IL13RA1: variants seen among roughly 807,000 people sequenced by gnomAD.
The protein encoded by IL13RA1 is interleukin 13 receptor subunit alpha 1.
A neutral mutation model predicts 33.8 loss-of-function variants in IL13RA1; 14 were observed. The observed-to-expected ratio is 0.41, with a 90% confidence interval of 0.27 to 0.65. IL13RA1 has a LOEUF of 0.65. Ranked by LOEUF, IL13RA1 falls within the 30% of genes least tolerant of loss-of-function variation. IL13RA1 has a pLI of 0.28. For missense variants in IL13RA1, 313 were observed against 327.0 expected (o/e 0.96, Z 0.33); for synonymous variants, 116 against 115.7 (o/e 1.00, Z -0.02).
chrX:118,799,074 C>T (rs113339504), downstream of IL13RA1, among the ~76,000 whole-genome samples: 18 of 113,091 alleles, frequency 1.6e-4, no homozygotes, highest in African/African-American at 4.8e-4. Flanking sequence ...CTGCTGGCCC[C>T]GGGCAATGGG....
chrX:118,784,863 G>A (rs59888290), intron 10 of IL13RA1, among the ~76,000 whole-genome samples: 6,708 of 111,433 alleles, frequency 0.06, 520 homozygotes, highest in African/African-American at 0.2. Context: ...AGAGTCAGCA[G>A]ACAATATAAT....
At chrX:118,777,661 T>C (rs2017800944) in intron 10 of IL13RA1, among the ~76,000 whole-genome samples, 1 of 111,516 alleles carries the variant, frequency 9.0e-6, no homozygotes, top group South Asian at 3.7e-4. Context: ...TCCAAAGATA[T>C]AGAAATGGAG....
chrX:118,770,675 G>T, intron 8 of IL13RA1: 1 of 386,766 alleles, frequency 2.6e-6, no homozygotes, highest in Non-Finnish European at 4.9e-6. Flanking sequence ...TACCTGGTGC[G>T]TGCATTTGGC....
chrX:118,771,488 G>T, intron 8 of IL13RA1, among the ~76,000 whole-genome samples: 1 of 112,337 alleles, frequency 8.9e-6, no homozygotes, highest in East Asian at 2.8e-4. Context: ...CTCCTCTGGA[G>T]ATTCCTGTAT....
intron 8 of IL13RA1, chrX:118,770,266 T>C (rs2248846): frequency 0.2 from 66,655 of 330,876 alleles, 5,399 homozygotes; most frequent in East Asian, 0.45. Context: ...CACCCTGCAA[T>C]GTCATCACCA....
chrX:118,752,153 A>G (rs1432553641), intron 4 of IL13RA1, among the ~76,000 whole-genome samples: 1 of 110,483 alleles, frequency 9.1e-6, no homozygotes, highest in African/African-American at 3.3e-5. Flanking sequence ...CCTTTACTTA[A>G]AACCCTTCAG....
rs772101731 is a variant in IL13RA1, at chrX:118,728,528, T to A, written c.88+802T>A. On this transcript the variant is annotated intron_variant, in intron 1 of 10. Coordinates refer to ENST00000371666, the MANE Select transcript of IL13RA1 (RefSeq NM_001560.3). Reference sequence around the variant, plus strand: ...GCAGTTGTGAAAAATTGGGAGTTAATGACTTCCTTAGGAGCAGCTCCTGGA... The same window carrying A: ...GCAGTTGTGAAAAATTGGGAGTTAAAGACTTCCTTAGGAGCAGCTCCTGGA... Among the ~76,000 whole-genome samples, 5 of 112,498 alleles carry A rather than the reference T, an allele frequency of 4.4e-5. No homozygotes were observed. The East Asian group carries it at 1.4e-3, about 31-fold the overall frequency.
chrX:118,759,342 G>A (rs747747822), intron 5 of IL13RA1, among the ~76,000 whole-genome samples: 6 of 112,466 alleles, frequency 5.3e-5, no homozygotes, highest in African/African-American at 1.6e-4. Flanking sequence ...GACATAAAGC[G>A]TATTAACACA....
chrX:118,753,197 G>C (rs1443047288), intron 4 of IL13RA1, among the ~76,000 whole-genome samples: 1 of 112,285 alleles, frequency 8.9e-6, no homozygotes, highest in South Asian at 3.7e-4. Flanking sequence ...TGGTAGCCTA[G>C]TCCTTGGGGT....
At chrX:118,727,920 C>G (rs1036004963) in intron 1 of IL13RA1, among the ~76,000 whole-genome samples, 194 bp downstream of exon 1, 2 of 112,230 alleles carry the variant, frequency 1.8e-5, no homozygotes, top group Non-Finnish European at 3.8e-5. Flanking sequence ...GTACTGGGGC[C>G]GGTTCGAGGT....
chrX:118,799,249 G>A (rs1213425708), downstream of IL13RA1, among the ~76,000 whole-genome samples: 1 of 113,137 alleles, frequency 8.8e-6, no homozygotes, highest in Non-Finnish European at 1.9e-5. Context: ...CCCACTCCAT[G>A]GGCTCCTGTG....
chrX:118,788,237 C>A (rs180695114), intron 10 of IL13RA1, among the ~76,000 whole-genome samples: 250 of 111,887 alleles, frequency 2.2e-3, no homozygotes, highest in African/African-American at 7.8e-3. Context: ...TTTATATTTC[C>A]AACTTGTGTT....
intron 2 of IL13RA1, among the ~76,000 whole-genome samples, chrX:118,741,969 G>A (rs5957051): frequency 0.06 from 6,653 of 110,878 alleles, 525 homozygotes; most frequent in African/African-American, 0.2. Context: ...ACTAGCTTCT[G>A]ATTGGCACTG....
chrX:118,756,265 T>G (rs1045277669), intron 4 of IL13RA1, among the ~76,000 whole-genome samples: 7 of 111,531 alleles, frequency 6.3e-5, no homozygotes, highest in African/African-American at 2.3e-4. Context: ...TGGCTGATGA[T>G]GTAAGACTTG....
intron 1 of IL13RA1, among the ~76,000 whole-genome samples, chrX:118,735,467 A>G: frequency 8.9e-6 from 1 of 112,072 alleles, no homozygotes; most frequent in Non-Finnish European, 1.9e-5. Flanking sequence ...TTCCAATAGT[A>G]CTGCTTTCGC....
intron 3 of IL13RA1, 112 bp downstream of exon 3, chrX:118,747,204 A>T (rs1206811923): frequency 2.0e-6 from 1 of 488,250 alleles, no homozygotes; most frequent in African/African-American, 2.4e-5. Context: ...TCTGAGTCTA[A>T]TAAGTGCCAG....
chrX:118,757,524 C>CA (rs1166805158), intron 4 of IL13RA1, among the ~76,000 whole-genome samples: 7,948 of 32,445 alleles, frequency 0.24, 1,394 homozygotes, highest in African/African-American at 0.49. Flanking sequence ...GACTCTGTCT[C>CA]AAAAAAAAAA....
intron 10 of IL13RA1, among the ~76,000 whole-genome samples, chrX:118,780,501 A>G (rs1379042396): frequency 8.9e-6 from 1 of 112,824 alleles, no homozygotes; most frequent in Admixed American, 9.4e-5. Context: ...AGGTTTAATT[A>G]GCTCATGGTT....
At chrX:118,776,158 G>A (rs1250548864) in intron 9 of IL13RA1, among the ~76,000 whole-genome samples, 3 of 112,069 alleles carry the variant, frequency 2.7e-5, no homozygotes, top group Non-Finnish European at 5.6e-5. Flanking sequence ...TAAAAGTAGA[G>A]TAGCATATTA....
Sources: gnomAD v4.1 joint callset for allele counts (sites outside exome capture counted in the v4.1 genomes callset) on GRCh38, gnomAD v4.1.1 for gene constraint, MANE v1.5 for transcripts, NCBI Gene and HGNC (gene_info 2026-07-23, HGNC 2026-07-21) for gene names.